The following LINGO2 variants were observed in gnomAD, a reference collection of about 807,000 sequenced individuals.
LINGO2 encodes the protein leucine rich repeat and Ig domain containing 2.
LINGO2 carries 14 observed loss-of-function variants against 30.6 expected under a neutral mutation model. That is an observed-to-expected ratio of 0.46 (90% CI 0.30 to 0.72). The LOEUF (loss-of-function observed/expected upper bound fraction) is 0.72. Among genes scored for constraint, LINGO2 ranks in the 30% least tolerant of loss-of-function variants. The pLI is 0.07. For missense variants in LINGO2, 729 were observed against 751.7 expected, an observed-to-expected ratio of 0.97 and a Z score of 0.35; for synonymous variants, 317 against 288.5, an observed-to-expected ratio of 1.10 and a Z score of -1.00.
the LINGO2 span, among the ~76,000 whole-genome samples, chr9:29,144,411 T>G: frequency 6.6e-6 from 1 of 152,174 alleles, no homozygotes; most frequent in African/African-American, 2.4e-5. Flanking sequence ...TTTAATCAGT[T>G]AAGGTAATTA....
intron 2 of LINGO2, among the ~76,000 whole-genome samples, chr9:28,386,326 C>T (rs572055030): frequency 6.6e-6 from 1 of 152,292 alleles, no homozygotes; most frequent in South Asian, 2.1e-4. Flanking sequence ...ACACTAAATA[C>T]TAAAAGAGAG....
chr9:28,635,150 T>C (rs905666857), intron 1 of LINGO2, among the ~76,000 whole-genome samples: 10 of 152,244 alleles, frequency 6.6e-5, no homozygotes, highest in African/African-American at 2.4e-4. Context: ...CTTTCAGTTG[T>C]GCATCCAATA....
At chr9:29,051,965 GAT>G in the LINGO2 span, among the ~76,000 whole-genome samples, 65 of 152,250 alleles carry the variant, frequency 4.3e-4, 1 homozygote, top group South Asian at 1.9e-3. Flanking sequence ...ATAATAAGCA[GAT>G]GTGTGTGAAT....
At chr9:28,199,370 C>T (rs1471805120) in intron 4 of LINGO2, among the ~76,000 whole-genome samples, 4 of 149,162 alleles carry the variant, frequency 2.7e-5, no homozygotes, top group South Asian at 2.1e-4. Flanking sequence ...GACGGAGTCT[C>T]GCTCTGTCGC....
the LINGO2 span, among the ~76,000 whole-genome samples, chr9:28,989,503 C>T: frequency 1.3e-5 from 2 of 152,114 alleles, no homozygotes; most frequent in African/African-American, 4.8e-5. Context: ...GGATATTAGA[C>T]TAGAATCTAG....
At chr9:29,134,642 A>G in the LINGO2 span, among the ~76,000 whole-genome samples, 2 of 152,134 alleles carry the variant, frequency 1.3e-5, no homozygotes, top group Admixed American at 1.3e-4. Context: ...GCCATTAAAC[A>G]TTCTTAGAAA....
chr9:28,388,550 G>C (rs1256441843), intron 2 of LINGO2, among the ~76,000 whole-genome samples: 2 of 152,034 alleles, frequency 1.3e-5, no homozygotes, highest in Non-Finnish European at 2.9e-5. Context: ...AATTTTATTT[G>C]TTCCACATCT....
At chr9:28,336,250 A>G (rs1825585435) in intron 3 of LINGO2, among the ~76,000 whole-genome samples, 1 of 152,096 alleles carries the variant, frequency 6.6e-6, no homozygotes, top group African/African-American at 2.4e-5. Context: ...ACTTTTGCTT[A>G]TTTTCCAATT....
chr9:28,059,691 T>A (rs768740), intron 4 of LINGO2, among the ~76,000 whole-genome samples: 40,097 of 152,010 alleles, frequency 0.26, 5,582 homozygotes, highest in East Asian at 0.41. Flanking sequence ...TATATAAATA[T>A]ATTCAATTAT....
intron 3 of LINGO2, among the ~76,000 whole-genome samples, chr9:28,345,248 T>C (rs1258414053): frequency 1.3e-5 from 2 of 152,168 alleles, no homozygotes; most frequent in Non-Finnish European, 2.9e-5. Flanking sequence ...TTGAATTAAA[T>C]ATATTTTTTC....
At chr9:28,472,854 A>G (rs1208046041) in intron 2 of LINGO2, among the ~76,000 whole-genome samples, 1 of 152,098 alleles carries the variant, frequency 6.6e-6, no homozygotes, top group Non-Finnish European at 1.5e-5. Context: ...CCAAAGACAG[A>G]TATCATTCTT....
intron 4 of LINGO2, among the ~76,000 whole-genome samples, chr9:28,233,118 ATGTG>A (rs1159356870): frequency 7.0e-6 from 1 of 142,664 alleles, no homozygotes; most frequent in Non-Finnish European, 1.5e-5. Context: ...GGGGGGGTCT[ATGTG>A]TGTGTGTATG....
chr9:29,161,903 T>G, the LINGO2 span, among the ~76,000 whole-genome samples: 6 of 152,072 alleles, frequency 3.9e-5, no homozygotes, highest in Non-Finnish European at 8.8e-5. Context: ...GCTGAAAATA[T>G]TCTATTATTC....
chr9:28,610,634 T>A (rs958725107), intron 1 of LINGO2, among the ~76,000 whole-genome samples: 2 of 152,198 alleles, frequency 1.3e-5, no homozygotes, highest in African/African-American at 4.8e-5. Flanking sequence ...CAACAGACAC[T>A]GAAACTGCCA....
chr9:28,512,200 C>T (rs563550231), intron 1 of LINGO2, among the ~76,000 whole-genome samples: 6 of 152,150 alleles, frequency 3.9e-5, no homozygotes, highest in Admixed American at 3.3e-4. Flanking sequence ...AGAAAGCACC[C>T]GGTTCACGGT....
At chr9:28,955,858 G>C in the LINGO2 span, among the ~76,000 whole-genome samples, 1 of 151,890 alleles carries the variant, frequency 6.6e-6, no homozygotes, top group East Asian at 1.9e-4. Context: ...TCCTAGGCTG[G>C]TCTCAAACTC....
intron 1 of LINGO2, among the ~76,000 whole-genome samples, chr9:28,531,245 C>A (rs191620717): frequency 3.9e-5 from 6 of 152,066 alleles, no homozygotes; most frequent in African/African-American, 1.2e-4. Context: ...TTTATCAAAG[C>A]ACATATACAC....
chr9:28,135,889 T>C (rs1827503656), intron 4 of LINGO2, among the ~76,000 whole-genome samples: 1 of 152,164 alleles, frequency 6.6e-6, no homozygotes, highest in East Asian at 1.9e-4. Context: ...AACTATCTCA[T>C]TATTTATATT....
At chr9:28,800,925 G>A in the LINGO2 span, among the ~76,000 whole-genome samples, 2 of 152,144 alleles carry the variant, frequency 1.3e-5, no homozygotes, top group South Asian at 4.1e-4. Context: ...GAGATGGAAA[G>A]CCACACGTAA....
Sources: allele counts gnomAD v4.1 joint callset (sites outside exome capture counted in the v4.1 genomes callset), GRCh38; gene constraint gnomAD v4.1.1; transcripts MANE v1.5; gene names NCBI Gene and HGNC (gene_info 2026-07-23, HGNC 2026-07-21).